RHBDL3: variants seen among roughly 807,000 people sequenced by gnomAD.
The protein encoded by RHBDL3 is rhomboid-related protein 3.
In RHBDL3, 28 loss-of-function variants were observed where a neutral mutation model predicts 48.2. That is an observed-to-expected ratio of 0.58 (90% CI 0.43 to 0.80). The LOEUF is 0.80. Ranked by LOEUF, RHBDL3 falls within the 30% of genes least tolerant of loss-of-function variation. The pLI is 0.00. For synonymous variants in RHBDL3, 208 were observed against 232.3 expected, an observed-to-expected ratio of 0.90 and a Z score of 0.95; for missense variants, 464 against 542.7, an observed-to-expected ratio of 0.85 and a Z score of 1.44.
chr17:32,291,771 C>CTTTTT (rs36113178), intron 4 of RHBDL3, among the ~76,000 whole-genome samples: 1 of 131,274 alleles, frequency 7.6e-6, no homozygotes, highest in South Asian at 2.5e-4. Flanking sequence ...TGAGATATTC[C>CTTTTT]TTTTTTTTTT....
intron 7 of RHBDL3, among the ~76,000 whole-genome samples, chr17:32,313,514 A>G (rs2040892411): frequency 2.0e-5 from 3 of 152,234 alleles, no homozygotes; most frequent in African/African-American, 7.2e-5. Context: ...CTGTCTCCAG[A>G]ACTCTTTTCA....
chr17:32,296,051 C>T (rs1490009183), intron 5 of RHBDL3, among the ~76,000 whole-genome samples: 1 of 151,764 alleles, frequency 6.6e-6, no homozygotes, highest in Non-Finnish European at 1.5e-5. Context: ...ATGGTGAAAC[C>T]CCGTCTCTAC....
At chr17:32,266,769 C>T (rs1002103770) in intron 1 of RHBDL3, among the ~76,000 whole-genome samples, 3 of 152,076 alleles carry the variant, frequency 2.0e-5, no homozygotes, top group Non-Finnish European at 4.4e-5. Context: ...AGCTCCCGCC[C>T]GGCACCTGCC....
intron 7 of RHBDL3, among the ~76,000 whole-genome samples, chr17:32,314,073 C>T (rs963763523): frequency 2.0e-5 from 3 of 151,172 alleles, no homozygotes; most frequent in Non-Finnish European, 3.0e-5. Flanking sequence ...GAATTGTATT[C>T]CATTGTATGT....
intron 6 of RHBDL3, among the ~76,000 whole-genome samples, chr17:32,301,788 C>T (rs565247485): frequency 6.6e-6 from 1 of 150,992 alleles, no homozygotes; most frequent in Non-Finnish European, 1.5e-5. Flanking sequence ...ATCATTGCAC[C>T]CCAGCCTGGG....
chr17:32,305,632 T>C (rs2040692669), intron 7 of RHBDL3, among the ~76,000 whole-genome samples, 191 bp downstream of exon 7: 1 of 152,170 alleles, frequency 6.6e-6, no homozygotes, highest in African/African-American at 2.4e-5. Flanking sequence ...TCCTATTTTC[T>C]CCAGTCACGG....
At chr17:32,287,216 G>A (rs1202549075) in intron 3 of RHBDL3, among the ~76,000 whole-genome samples, 5 of 152,188 alleles carry the variant, frequency 3.3e-5, no homozygotes, top group African/African-American at 1.2e-4. Flanking sequence ...GATGGTGAGT[G>A]TGTACCCCTG....
intron 8 of RHBDL3, among the ~76,000 whole-genome samples, chr17:32,317,528 G>A (rs1305529416): frequency 6.6e-6 from 1 of 152,136 alleles, no homozygotes; most frequent in Non-Finnish European, 1.5e-5. Context: ...AGTAAACATG[G>A]TGTAAGAGGA....
intron 5 of RHBDL3, among the ~76,000 whole-genome samples, chr17:32,294,677 A>G (rs553357712): frequency 2.0e-5 from 3 of 152,212 alleles, no homozygotes; most frequent in Non-Finnish European, 4.4e-5. Flanking sequence ...TGAGAACAGC[A>G]CACACATACA....
chr17:32,278,608 G>T (rs2039969214), intron 2 of RHBDL3, among the ~76,000 whole-genome samples: 1 of 152,192 alleles, frequency 6.6e-6, no homozygotes, highest in Non-Finnish European at 1.5e-5. Flanking sequence ...CTAGTGATGG[G>T]AGAGAGTGCA....
chr17:32,271,109 T>G (rs56778373), intron 2 of RHBDL3, among the ~76,000 whole-genome samples: 19,033 of 152,228 alleles, frequency 0.13, 1,443 homozygotes, highest in Non-Finnish European at 0.16. Flanking sequence ...TTTTCCTTCC[T>G]GATTCCTTCT....
intron 6 of RHBDL3, among the ~76,000 whole-genome samples, chr17:32,302,938 AAG>A (rs1488440276): frequency 6.6e-6 from 1 of 152,218 alleles, no homozygotes; most frequent in African/African-American, 2.4e-5. Context: ...GTTTCCTTTG[AAG>A]AGAGTTTTGC....
chr17:32,267,654 T>TTGGGGG, intron 1 of RHBDL3: 1 of 632,234 alleles, frequency 1.6e-6, no homozygotes, highest in Non-Finnish European at 2.4e-6. Flanking sequence ...ACACCCACCT[T>TTGGGGG]GCCGCCCCCG....
Position 32,265,930 on chromosome 17 carries a change from C to G in RHBDL3, c.-260C>G, listed in dbSNP as rs2150680868. ...TCGCCTCGGAGCCGGGCGCGAGGGC[C>G]GGGGCGGAGGCGGAGGCCGGCGGGG... is the stretch of plus-strand genomic sequence containing the variant. On this transcript the variant is annotated 5_prime_UTR_variant, in exon 1 of 9. Transcript: ENST00000269051. 6.8e-6 allele frequency among the ~76,000 whole-genome samples: 1 copy of G among 146,648 alleles called. No individual in the cohort carries two copies. Among genetic ancestry groups the G allele is most frequent in the Non-Finnish European group, 1.5e-5 (1 of 65,786 alleles).
intron 2 of RHBDL3, among the ~76,000 whole-genome samples, chr17:32,274,149 A>G (rs558650770): frequency 6.6e-6 from 1 of 152,326 alleles, no homozygotes; most frequent in East Asian, 1.9e-4. Flanking sequence ...TGAACTTTCC[A>G]GAGAGAAAGG....
At chr17:32,310,052 ACTT>A (rs2040807945) in intron 7 of RHBDL3, among the ~76,000 whole-genome samples, 1 of 151,980 alleles carries the variant, frequency 6.6e-6, no homozygotes. Flanking sequence ...CCCCGCCAAG[ACTT>A]CTTATTTTAA....
At chr17:32,319,570 T>C (rs917652635) in intron 8 of RHBDL3, among the ~76,000 whole-genome samples, 1 of 149,248 alleles carries the variant, frequency 6.7e-6, no homozygotes, top group East Asian at 2.0e-4. Context: ...AGGGCAGGAG[T>C]GGGAGTGCGG....
chr17:32,285,765 G>A (rs768696913), intron 3 of RHBDL3, among the ~76,000 whole-genome samples: 14 of 152,196 alleles, frequency 9.2e-5, no homozygotes, highest in Non-Finnish European at 1.6e-4. Flanking sequence ...TGGAGGGAGC[G>A]AGAGTGAAAT....
In RHBDL3 at chr17:32,321,322, C is replaced by G. The variant is rs754586091; in HGVS notation, c.*93C>G. The G allele has an allele frequency of 6.3e-7, 1 of 1,582,212 alleles. No individual in the cohort carries two copies. The highest frequency in any genetic ancestry group is 8.6e-7 in the Non-Finnish European group (1 of 1,167,832). On this transcript the variant is annotated 3_prime_UTR_variant, in exon 9 of 9. Coordinates refer to ENST00000269051, the MANE Select transcript of RHBDL3 (RefSeq NM_138328.3). The stretch of plus-strand genomic sequence containing the variant: ...CTTCTCATCACCAGCTCAGCTAGGC[C>G]GGGCAGACAAGGACAGAAGACTCTG...
Sources: allele counts gnomAD v4.1 joint callset (sites outside exome capture counted in the v4.1 genomes callset), GRCh38; gene constraint gnomAD v4.1.1; transcripts MANE v1.5; gene names NCBI Gene and HGNC (gene_info 2026-07-23, HGNC 2026-07-21).